Variants in IL1RAPL1 observed in about 807,000 individuals in gnomAD.
IL1RAPL1 encodes interleukin 1 receptor accessory protein like 1, also known as interleukin-1 receptor accessory protein-like 1.
IL1RAPL1 carries 3 observed loss-of-function variants against 48.4 expected under a neutral mutation model. That is an observed-to-expected ratio of 0.06 (90% CI 0.03 to 0.16). The LOEUF is 0.16. Ranked by LOEUF, IL1RAPL1 falls within the 10% of genes least tolerant of loss-of-function variation. The pLI is 1.00. For missense variants in IL1RAPL1, 349 were observed against 530.6 expected (o/e 0.66, Z 3.36); for synonymous variants, 185 against 187.7 (o/e 0.99, Z 0.12).
chrX:28,672,291 T>A (rs1934954609), intron 1 of IL1RAPL1, among the ~76,000 whole-genome samples: 1 of 111,883 alleles, frequency 8.9e-6, no homozygotes, highest in South Asian at 3.7e-4. Flanking sequence ...GGAGTCTTGT[T>A]ACCCTGAGAG....
chrX:29,654,239 A>T (rs1238116155), intron 5 of IL1RAPL1, among the ~76,000 whole-genome samples: 1 of 111,264 alleles, frequency 9.0e-6, no homozygotes, highest in Admixed American at 9.6e-5. Flanking sequence ...CAGAATATCA[A>T]AAAAAACCTG....
chrX:29,131,034 TGCG>T (rs1377101937), intron 2 of IL1RAPL1, among the ~76,000 whole-genome samples: 1 of 111,875 alleles, frequency 8.9e-6, no homozygotes, highest in Non-Finnish European at 1.9e-5. Flanking sequence ...TGTCAGACAC[TGCG>T]GAGAAGAAAA....
chrX:29,483,420 G>A (rs1471596509), intron 5 of IL1RAPL1, among the ~76,000 whole-genome samples: 1 of 111,380 alleles, frequency 9.0e-6, no homozygotes, highest in Non-Finnish European at 1.9e-5. Flanking sequence ...TCATGTTGGT[G>A]ATGTCCGTAT....
At chrX:28,781,498 C>T (rs763361885) in intron 1 of IL1RAPL1, among the ~76,000 whole-genome samples, 3 of 109,597 alleles carry the variant, frequency 2.7e-5, no homozygotes, top group South Asian at 7.7e-4. Context: ...TTTTAAAAGA[C>T]CACCTGATTA....
intron 1 of IL1RAPL1, among the ~76,000 whole-genome samples, chrX:28,770,475 A>G (rs776667029): frequency 1.8e-5 from 2 of 112,237 alleles, no homozygotes; most frequent in Non-Finnish European, 3.8e-5. Flanking sequence ...CGCCTTTGAA[A>G]AGGGTAACCT....
intron 1 of IL1RAPL1, among the ~76,000 whole-genome samples, chrX:28,635,725 G>A (rs1934456585): frequency 8.9e-6 from 1 of 111,838 alleles, no homozygotes; most frequent in Non-Finnish European, 1.9e-5. Context: ...AGTTATACAT[G>A]AGTTAAACAT....
chrX:29,429,275 A>G (rs1934386950), intron 5 of IL1RAPL1, among the ~76,000 whole-genome samples: 1 of 112,144 alleles, frequency 8.9e-6, no homozygotes, highest in South Asian at 3.7e-4. Context: ...CTGTTCCACT[A>G]GACCTGAGAG....
At chrX:28,643,325 A>C (rs1934569306) in intron 1 of IL1RAPL1, among the ~76,000 whole-genome samples, 1 of 110,987 alleles carries the variant, frequency 9.0e-6, no homozygotes, top group Non-Finnish European at 1.9e-5. Flanking sequence ...CAAGAAATGG[A>C]AGTTGTTTGA....
intron 2 of IL1RAPL1, among the ~76,000 whole-genome samples, chrX:28,809,269 C>G (rs73630095): frequency 0.036 from 3,977 of 110,459 alleles, 167 homozygotes; most frequent in African/African-American, 0.12. Context: ...TAAAATGATA[C>G]ATGCATTTCT....
chrX:28,783,831 A>G (rs1936446883), intron 1 of IL1RAPL1, among the ~76,000 whole-genome samples: 1 of 111,181 alleles, frequency 9.0e-6, no homozygotes. Context: ...TTCATGACCT[A>G]TCCAGGCTGC....
chrX:29,454,095 T>C (rs749720857), intron 5 of IL1RAPL1, among the ~76,000 whole-genome samples: 1 of 112,386 alleles, frequency 8.9e-6, no homozygotes, highest in Non-Finnish European at 1.9e-5. Context: ...CATTATTTAA[T>C]GGTCCTTTTG....
chrX:28,673,354 A>T (rs1003856345), intron 1 of IL1RAPL1, among the ~76,000 whole-genome samples: 9 of 112,261 alleles, frequency 8.0e-5, no homozygotes, highest in Non-Finnish European at 1.5e-4. Context: ...CTCAAAATGG[A>T]TTAAAGACTT....
At chrX:28,888,888 C>T (rs922911324) in intron 2 of IL1RAPL1, among the ~76,000 whole-genome samples, 4 of 110,388 alleles carry the variant, frequency 3.6e-5, no homozygotes, top group Non-Finnish European at 7.6e-5. Flanking sequence ...CAATAATTAC[C>T]AAATACAGCC....
chrX:29,796,040 C>G (rs938676429), intron 6 of IL1RAPL1, among the ~76,000 whole-genome samples: 2 of 112,318 alleles, frequency 1.8e-5, no homozygotes, highest in Non-Finnish European at 3.8e-5. Context: ...TCAGTTTACC[C>G]TTTGTAAATA....
chrX:29,267,194 G>T (rs183801888), intron 2 of IL1RAPL1, among the ~76,000 whole-genome samples: 23 of 111,762 alleles, frequency 2.1e-4, no homozygotes, highest in African/African-American at 7.5e-4. Context: ...ATCACAGAAT[G>T]CATGATTAAT....
intron 2 of IL1RAPL1, among the ~76,000 whole-genome samples, chrX:29,278,917 G>T (rs1201199092): frequency 1.8e-5 from 2 of 111,845 alleles, no homozygotes; most frequent in Non-Finnish European, 3.8e-5. Context: ...ATTCACAAGG[G>T]GATACATACT....
At chrX:29,578,489 A>G (rs1922847326) in intron 5 of IL1RAPL1, among the ~76,000 whole-genome samples, 1 of 112,050 alleles carries the variant, frequency 8.9e-6, no homozygotes, top group Non-Finnish European at 1.9e-5. Flanking sequence ...ATGATGATCA[A>G]CTTTGAAATA....
intron 5 of IL1RAPL1, among the ~76,000 whole-genome samples, chrX:29,414,627 G>T (rs1024810618): frequency 6.3e-5 from 7 of 111,295 alleles, no homozygotes. Flanking sequence ...AGGCTGAGGT[G>T]GGAGAATCGC....
At chrX:28,974,708 G>C (rs1253808959) in intron 2 of IL1RAPL1, among the ~76,000 whole-genome samples, 1 of 111,765 alleles carries the variant, frequency 8.9e-6, no homozygotes, top group South Asian at 3.7e-4. Context: ...TAAGAGTCTT[G>C]ATCTACGCCA....
Sources: allele counts gnomAD v4.1 joint callset (sites outside exome capture counted in the v4.1 genomes callset), GRCh38; gene constraint gnomAD v4.1.1; transcripts MANE v1.5; gene names NCBI Gene and HGNC (gene_info 2026-07-23, HGNC 2026-07-21).